MBD5: variants seen among roughly 807,000 people sequenced by gnomAD.
MBD5 encodes the protein methyl-CpG-binding domain protein 5.
A neutral mutation model predicts 117.3 loss-of-function variants in MBD5; 13 were observed. That is an observed-to-expected ratio of 0.11 (90% CI 0.07 to 0.18). The LOEUF (loss-of-function observed/expected upper bound fraction) is 0.18. Among genes scored for constraint, MBD5 ranks in the 10% least tolerant of loss-of-function variants. The pLI is 1.00. For missense variants in MBD5, 1,879 were observed against 2,093.8 expected (o/e 0.90, Z 2.00); for synonymous variants, 727 against 766.4 (o/e 0.95, Z 0.85).
At chr2:148,426,876 G>A (rs898303109) in intron 4 of MBD5, among the ~76,000 whole-genome samples, 4 of 152,176 alleles carry the variant, frequency 2.6e-5, no homozygotes, top group East Asian at 1.9e-4. Context: ...CCTACAGAAT[G>A]GGAGAAAATT....
chr2:148,385,167 T>C (rs1704308694), intron 4 of MBD5, among the ~76,000 whole-genome samples: 1 of 151,702 alleles, frequency 6.6e-6, no homozygotes, highest in South Asian at 2.1e-4. Flanking sequence ...ACCATCAGAG[T>C]GAACAGGCAA....
At chr2:148,137,270 C>T (rs182498928) in intron 1 of MBD5, among the ~76,000 whole-genome samples, 3 of 152,090 alleles carry the variant, frequency 2.0e-5, no homozygotes, top group African/African-American at 7.2e-5. Context: ...TAATGTTACT[C>T]GCTACAAATT....
intron 4 of MBD5, among the ~76,000 whole-genome samples, chr2:148,368,223 G>A (rs1203509904): frequency 6.6e-6 from 1 of 151,988 alleles, no homozygotes; most frequent in Non-Finnish European, 1.5e-5. Context: ...AACTAACACA[G>A]AAACAGAAAA....
rs1020657577 is a variant in MBD5 at position 148,515,028 on chromosome 2, T to C, written c.*2087T>C. On this transcript the variant is annotated 3_prime_UTR_variant, in exon 14 of 14. Coordinates refer to ENST00000642680, the MANE Select transcript of MBD5 (RefSeq NM_001378120.1). ...TCTTTTGTGTAGTTTAGTTGACACA[T>C]GTTTATAAGTTAAAAGTTGATGTGG... is the stretch of plus-strand genomic sequence containing the variant. The C allele has an allele frequency of 1.1e-4, 16 of 152,198 alleles. No individual in the cohort carries two copies. The highest frequency in any genetic ancestry group is 5.9e-5 in the Non-Finnish European group (4 of 68,036). 9.4% of individuals were successfully genotyped at this position (152,198 alleles called of 1,614,324 possible). A position where few individuals can be genotyped will look rare whatever the true frequency, so the allele number is the denominator to read the frequency against.
chr2:148,219,292 C>A (rs1484178838), intron 2 of MBD5, among the ~76,000 whole-genome samples: 1 of 152,114 alleles, frequency 6.6e-6, no homozygotes, highest in Non-Finnish European at 1.5e-5. Flanking sequence ...GGGCAGTAAC[C>A]CACACGGAGC....
chr2:148,381,491 C>G (rs566948220), intron 4 of MBD5, among the ~76,000 whole-genome samples: 7 of 152,246 alleles, frequency 4.6e-5, no homozygotes, highest in Admixed American at 1.3e-4. Flanking sequence ...ATTGGTGTAC[C>G]TGAAAGTGAC....
rs563020200 is a variant in MBD5 at position 148,242,489 on chromosome 2, G to A, written c.-680+9094G>A. 8.5e-5 allele frequency among the ~76,000 whole-genome samples: 13 copies of A among 152,292 alleles called. No homozygotes were observed. The South Asian group carries it at 2.3e-3, about 27-fold the overall frequency. On this transcript the variant is annotated intron_variant, in intron 3 of 13. Coordinates refer to ENST00000642680, the MANE Select transcript of MBD5 (RefSeq NM_001378120.1). The stretch of plus-strand genomic sequence containing the variant: ...TACTGCATGGCCAGTGTTCTGGGCT[G>A]TGTCCTTTTTCTCTTCTGGGTACAC...
At chr2:148,342,892 CT>C (rs772001150) in intron 4 of MBD5, among the ~76,000 whole-genome samples, 31 of 151,840 alleles carry the variant, frequency 2.0e-4, no homozygotes, top group Non-Finnish European at 3.7e-4. Context: ...AGCATAGTGC[CT>C]AGCAGTCAGT....
At chr2:148,507,210 A>C (rs771012295) in intron 12 of MBD5, among the ~76,000 whole-genome samples, 11 of 152,250 alleles carry the variant, frequency 7.2e-5, no homozygotes, top group Admixed American at 1.3e-4. Context: ...TGTTTTTTCC[A>C]ACAAGTAATG....
chr2:148,092,941 G>A (rs1180103230), intron 1 of MBD5, among the ~76,000 whole-genome samples: 8 of 150,212 alleles, frequency 5.3e-5, no homozygotes, highest in Non-Finnish European at 1.0e-4. Context: ...TTTTTTTGAC[G>A]GAGTATCGCC....
At chr2:148,053,504 T>C (rs1432106544) in intron 1 of MBD5, among the ~76,000 whole-genome samples, 1 of 152,106 alleles carries the variant, frequency 6.6e-6, no homozygotes, top group African/African-American at 2.4e-5. Context: ...GCTTGACTCC[T>C]CCCAGAGGTA....
chr2:148,411,623 T>C lies in MBD5; in HGVS notation c.-556-46580T>C, dbSNP rs375572924. 6.6e-5 allele frequency among the ~76,000 whole-genome samples: 10 copies of C among 151,932 alleles called. No homozygotes were observed. The South Asian group carries it at 1.7e-3, about 25-fold the overall frequency. ...CTGATGATTAGTGATGTTAAGCATT[T>C]TTTAATGCTTGGTTCCTTGGAAGTC... On this transcript the variant is annotated intron_variant, in intron 4 of 13. Coordinates refer to ENST00000642680, the MANE Select transcript of MBD5 (RefSeq NM_001378120.1).
chr2:148,467,832 G>C (rs963841931), intron 7 of MBD5, among the ~76,000 whole-genome samples: 3 of 152,098 alleles, frequency 2.0e-5, no homozygotes, highest in African/African-American at 7.2e-5. Context: ...CAAACATTTT[G>C]TTATAAGGGT....
Position 148,021,328 on chromosome 2 carries a change from A to T in MBD5, c.-1281A>T. 3 of 351,956 alleles carry T rather than the reference A, an allele frequency of 8.5e-6. No homozygotes were observed. The highest frequency in any genetic ancestry group is 7.6e-5 in the East Asian group (1 of 13,202). The allele number at this position is 351,956 out of a possible 1,614,324, so 21.8% of individuals were successfully genotyped here. A position where few individuals can be genotyped will look rare whatever the true frequency, so the allele number is the denominator to read the frequency against. On this transcript the variant is annotated 5_prime_UTR_variant, in exon 1 of 14. Coordinates refer to ENST00000642680, the MANE Select transcript of MBD5 (RefSeq NM_001378120.1). ...AGAAGGAGTTTCTTCTTCTTCGAAA[A>T]CCCCCATCCACGACTCCTACCCCCT...
intron 1 of MBD5, among the ~76,000 whole-genome samples, chr2:148,032,240 A>T (rs116418026): frequency 0.012 from 1,843 of 152,276 alleles, 44 homozygotes; most frequent in African/African-American, 0.042. Flanking sequence ...AAATAGACAT[A>T]GGTCTTGATC....
At chr2:148,492,105 C>A (rs1359378271) in intron 11 of MBD5, among the ~76,000 whole-genome samples, 1 of 151,324 alleles carries the variant, frequency 6.6e-6, no homozygotes, top group Non-Finnish European at 1.5e-5. Flanking sequence ...TGGTCTAGAT[C>A]TTCTGATTAA....
chr2:148,270,452 C>T (rs746007537), intron 3 of MBD5, among the ~76,000 whole-genome samples: 70 of 148,854 alleles, frequency 4.7e-4, no homozygotes, highest in Admixed American at 7.4e-4. Flanking sequence ...GCAGTGTCAA[C>T]ATCTCGGCTC....
intron 2 of MBD5, among the ~76,000 whole-genome samples, chr2:148,209,597 G>T (rs1242772872): frequency 1.3e-5 from 2 of 151,652 alleles, no homozygotes; most frequent in Non-Finnish European, 2.9e-5. Context: ...ACTGTGTTAG[G>T]TTATTTTTGC....
rs1698367724 is a variant in MBD5 at position 148,175,673 on chromosome 2, A to G, written c.-924-3027A>G. On this transcript the variant is annotated intron_variant, in intron 1 of 13. Transcript: ENST00000642680. ...GGGGCCTTCAGAAAATACCATAGTT[A>G]ATTGTAGACTGCTGGAGTTTGAAAT... Among the ~76,000 whole-genome samples the G allele has an allele frequency of 2.0e-5, 3 of 152,190 alleles. No individual in the cohort carries two copies. The South Asian group carries it at 6.2e-4, about 31-fold the overall frequency.
Sources: gnomAD v4.1 joint callset for allele counts (sites outside exome capture counted in the v4.1 genomes callset) on GRCh38, gnomAD v4.1.1 for gene constraint, MANE v1.5 for transcripts, NCBI Gene and HGNC (gene_info 2026-07-23, HGNC 2026-07-21) for gene names.